Variants in PRKN observed in about 807,000 individuals in gnomAD.
PRKN encodes E3 ubiquitin-protein ligase parkin.
A neutral mutation model predicts 59.5 loss-of-function variants in PRKN; 56 were observed. The observed-to-expected ratio is 0.94, with a 90% CI of 0.76 to 1.18. PRKN has a LOEUF of 1.18. PRKN is among the 50% of genes most tolerant of loss of function. PRKN has a pLI of 0.00. For missense variants in PRKN, 657 were observed against 596.4 expected, an observed-to-expected ratio of 1.10 and a Z score of -1.06; for synonymous variants, 250 against 222.1, an observed-to-expected ratio of 1.13 and a Z score of -1.12.
intron 4 of PRKN, among the ~76,000 whole-genome samples, chr6:162,073,997 A>T (rs1339635536): frequency 6.6e-6 from 1 of 151,388 alleles, no homozygotes. Flanking sequence ...GCTGGAGAGG[A>T]TGTGGAGAAA....
intron 6 of PRKN, among the ~76,000 whole-genome samples, chr6:161,816,467 C>G (rs1562314065): frequency 6.6e-6 from 1 of 152,116 alleles, no homozygotes; most frequent in East Asian, 1.9e-4. Context: ...TGTATCATGA[C>G]TAATTGAATT....
intron 4 of PRKN, among the ~76,000 whole-genome samples, chr6:162,102,303 C>T (rs950831863): frequency 1.1e-4 from 17 of 152,028 alleles, no homozygotes; most frequent in Non-Finnish European, 1.8e-4. Context: ...GTTTTCTGTT[C>T]CTGCATTAGT....
At chr6:162,523,717 A>C (rs1158071743) in intron 1 of PRKN, among the ~76,000 whole-genome samples, 1 of 151,980 alleles carries the variant, frequency 6.6e-6, no homozygotes, top group Non-Finnish European at 1.5e-5. Context: ...TTATGGGGTC[A>C]AAAAATCTAT....
chr6:161,868,117 TATA>T (rs1471218118), intron 6 of PRKN, among the ~76,000 whole-genome samples: 1 of 152,072 alleles, frequency 6.6e-6, no homozygotes, highest in African/African-American at 2.4e-5. Flanking sequence ...GGAAATGGAT[TATA>T]ATGTTTCTAA....
chr6:161,822,871 T>A (rs1216480537), intron 6 of PRKN, among the ~76,000 whole-genome samples: 1 of 152,214 alleles, frequency 6.6e-6, no homozygotes, highest in Non-Finnish European at 1.5e-5. Flanking sequence ...CCTAATTGTA[T>A]CCTTTGCCAA....
At chr6:161,452,832 A>T (rs575594195) in intron 9 of PRKN, among the ~76,000 whole-genome samples, 3 of 151,948 alleles carry the variant, frequency 2.0e-5, no homozygotes, top group East Asian at 3.9e-4. Context: ...AGGGGCAGGG[A>T]GCCCTTGACT....
chr6:162,090,787 T>G (rs1425193370), intron 4 of PRKN, among the ~76,000 whole-genome samples: 1 of 152,132 alleles, frequency 6.6e-6, no homozygotes. Context: ...ATGACAGAAA[T>G]GTAAATGTGT....
chr6:162,182,025 C>T (rs912842762), intron 4 of PRKN, among the ~76,000 whole-genome samples: 7 of 151,988 alleles, frequency 4.6e-5, no homozygotes, highest in East Asian at 1.9e-4. Context: ...GAGTTCCTGG[C>T]GTATTTTCTT....
At position 162,608,408 on chromosome 6, in the gene PRKN, G is replaced by C. The variant is rs111405839; in HGVS notation, c.7+119254C>G. 6.6e-5 allele frequency among the ~76,000 whole-genome samples: 10 copies of C among 152,310 alleles called. No individual in the cohort carries two copies. In the South Asian group the frequency reaches 1.9e-3, roughly 28 times the overall value. On this transcript the variant is annotated intron_variant, in intron 1 of 11. Coordinates refer to ENST00000366898, the MANE Select transcript of PRKN (RefSeq NM_004562.3). ...AGGAAAGGAAGCAGTGAGAAGATGG[G>C]AGGTCAAGGTGTCGGATGCTAAATC...
intron 7 of PRKN, among the ~76,000 whole-genome samples, chr6:161,771,218 T>C (rs903770879): frequency 2.6e-5 from 4 of 151,906 alleles, no homozygotes; most frequent in Admixed American, 6.5e-5. Context: ...TAGCCTGGCA[T>C]CATGGCGGGC....
chr6:161,495,448 C>T (rs9458289), intron 9 of PRKN, among the ~76,000 whole-genome samples: 78,956 of 152,124 alleles, frequency 0.52, 22,739 homozygotes, highest in African/African-American at 0.77. Flanking sequence ...AGACTACATT[C>T]CCTGGCCTCT....
chr6:162,452,244 A>G (rs1790660647), intron 1 of PRKN, among the ~76,000 whole-genome samples: 1 of 152,230 alleles, frequency 6.6e-6, no homozygotes, highest in Non-Finnish European at 1.5e-5. Flanking sequence ...ATCACAAGAA[A>G]TATCAAATAA....
intron 7 of PRKN, among the ~76,000 whole-genome samples, chr6:161,751,968 G>A (rs143690412): frequency 3.9e-5 from 6 of 152,216 alleles, no homozygotes; most frequent in Non-Finnish European, 7.3e-5. Flanking sequence ...CAGGATTAGC[G>A]AGGAGGCCTG....
chr6:162,043,605 A>G (rs1784146238), intron 5 of PRKN, among the ~76,000 whole-genome samples: 1 of 152,264 alleles, frequency 6.6e-6, no homozygotes, highest in Non-Finnish European at 1.5e-5. Flanking sequence ...CAAACTGTCC[A>G]GCATGTAGTT....
In PRKN at chr6:162,201,207, G is replaced by A. The variant is rs55654276; in HGVS notation, c.458C>T (p.Pro153Leu). Residue 153 changes from proline to leucine, a missense_variant, in exon 4 of 12, where the codon CCC becomes CTC. By Grantham distance (98) the Pro-to-Leu change is moderately conservative. Transcript: ENST00000366898. ...YNSFYVYCKGPCQRVQPGKLR... is the reference protein window; with the variant it reads ...YNSFYVYCKGLCQRVQPGKLR... ...TTTTCCCGGCTGCACTCTTTGACAGGGGCCTTTGCAATACACATAAAAGCT... is the reference window on the plus strand; with the variant it reads ...TTTTCCCGGCTGCACTCTTTGACAGAGGCCTTTGCAATACACATAAAAGCT... The A allele has an allele frequency of 1.2e-6, 2 of 1,613,826 alleles. No homozygotes were observed. The highest frequency in any genetic ancestry group is 1.7e-6 in the Non-Finnish European group (2 of 1,179,886).
intron 7 of PRKN, among the ~76,000 whole-genome samples, chr6:161,719,649 C>T (rs1311293910): frequency 6.6e-6 from 1 of 152,084 alleles, no homozygotes; most frequent in Non-Finnish European, 1.5e-5. Flanking sequence ...TTATATAAGT[C>T]TTTTGTTCTC....
chr6:161,747,717 C>T (rs773757496), intron 7 of PRKN, among the ~76,000 whole-genome samples: 4 of 152,140 alleles, frequency 2.6e-5, no homozygotes, highest in East Asian at 1.9e-4. Flanking sequence ...GGTAATTAGA[C>T]GGTTGTAATA....
rs548177474 is a variant in PRKN, at chr6:161,421,762, C to T, written c.1084-34885G>A. 1.6e-4 allele frequency among the ~76,000 whole-genome samples: 25 copies of T among 152,236 alleles called. 2 individuals are homozygous for T. The highest frequency in any genetic ancestry group is 3.9e-4 in the Admixed American group (6 of 15,300). ...TGTGCAGGGTCTACACAGAAGAAAT[C>T]ACATGAAGAGTTTAAAAAGTATTTT... is the stretch of plus-strand genomic sequence containing the variant. On this transcript the variant is annotated intron_variant, in intron 9 of 11. Transcript: ENST00000366898.
chr6:161,418,766 C>T (rs763093965), intron 9 of PRKN, among the ~76,000 whole-genome samples: 135 of 152,332 alleles, frequency 8.9e-4, no homozygotes, highest in Middle Eastern at 3.4e-3. Context: ...TATGGCCTCC[C>T]ACATAGTATT....
Sources: allele counts gnomAD v4.1 joint callset (sites outside exome capture counted in the v4.1 genomes callset), GRCh38; gene constraint gnomAD v4.1.1; transcripts MANE v1.5; gene names NCBI Gene and HGNC (gene_info 2026-07-23, HGNC 2026-07-21).